The following DOCK4 variants were observed in gnomAD, a reference collection of about 807,000 sequenced individuals.
DOCK4 encodes the protein dedicator of cytokinesis 4.
In DOCK4, 97 loss-of-function variants were observed where a neutral mutation model predicts 268.1. The observed-to-expected ratio is 0.36, with a 90% confidence interval of 0.31 to 0.43. DOCK4 has a LOEUF of 0.43. DOCK4 is among the 20% of genes least tolerant of loss of function. The probability of loss-of-function intolerance (pLI) is 1.00; values close to 1 mark genes in which losing one functional copy is unlikely to be tolerated. For missense variants in DOCK4, 2,145 were observed against 2,455.7 expected (o/e 0.87, Z 2.67); for synonymous variants, 954 against 887.2 (o/e 1.08, Z -1.34).
At chr7:112,165,559 TGC>T (rs369341986) in intron 1 of DOCK4, among the ~76,000 whole-genome samples, 71 of 148,244 alleles carry the variant, frequency 4.8e-4, no homozygotes, top group Non-Finnish European at 7.9e-4. Flanking sequence ...TGTGTGTGTG[TGC>T]GTGTGTGTGT....
chr7:111,804,372 T>C (rs1356501631), intron 30 of DOCK4, among the ~76,000 whole-genome samples: 1 of 152,300 alleles, frequency 6.6e-6, no homozygotes, highest in Middle Eastern at 3.4e-3. Context: ...TTACGTGAGG[T>C]ACCTAGAGTA....
At chr7:111,996,950 C>T (rs1014339523) in intron 4 of DOCK4, among the ~76,000 whole-genome samples, 7 of 152,172 alleles carry the variant, frequency 4.6e-5, no homozygotes, top group Non-Finnish European at 8.8e-5. Flanking sequence ...GCATATGATG[C>T]CCTTTGCACT....
chr7:111,851,886 C>G (rs1804592709), intron 23 of DOCK4, among the ~76,000 whole-genome samples: 1 of 150,276 alleles, frequency 6.7e-6, no homozygotes, highest in Non-Finnish European at 1.5e-5. Context: ...CTGTATGCTA[C>G]TAAAAGTGAT....
intron 1 of DOCK4, among the ~76,000 whole-genome samples, chr7:112,016,048 T>A (rs1801780843): frequency 6.6e-6 from 1 of 152,224 alleles, no homozygotes; most frequent in South Asian, 2.1e-4. Context: ...AACATAAGTT[T>A]TGGAGGGGAC....
intron 1 of DOCK4, among the ~76,000 whole-genome samples, chr7:112,099,028 C>T (rs867586339): frequency 3.9e-5 from 6 of 151,930 alleles, no homozygotes; most frequent in Admixed American, 2.0e-4. Context: ...GGTAGGTCAG[C>T]CCTGTAATCT....
chr7:111,844,698 C>T (rs1192739099), intron 25 of DOCK4, 65 bp downstream of exon 25: 1 of 1,529,742 alleles, frequency 6.5e-7, no homozygotes, highest in Non-Finnish European at 8.8e-7. Flanking sequence ...AACATCAAGC[C>T]ACCTGCAACG....
At chr7:111,774,345 G>A (rs1230171099) in intron 36 of DOCK4, among the ~76,000 whole-genome samples, 1 of 152,092 alleles carries the variant, frequency 6.6e-6, no homozygotes, top group African/African-American at 2.4e-5. Context: ...GCAGGCACCT[G>A]TAATCTCAGC....
In DOCK4 at chr7:111,728,607, C is replaced by A. The variant is rs1445159700; in HGVS notation, c.5595G>T (p.Arg1865=). ...AGCCTGAGGTTTCCGACGTGCTGCA[C>A]CGGCTGAGAGAAGAAATCCCACTGC... ...SYSSGISSLS[R]CSTSETSGFE... The change falls in exon 53 of 53, where the codon CGG becomes CGT. Residue 1865 remains arginine (R), a synonymous_variant. Coordinates refer to ENST00000428084, the MANE Select transcript of DOCK4 (RefSeq NM_001363540.2). 1.2e-6 allele frequency: 2 copies of A among 1,614,016 alleles called. No homozygotes were observed. Among genetic ancestry groups the A allele is most frequent in the Non-Finnish European group, 1.7e-6 (2 of 1,179,900 alleles).
intron 5 of DOCK4, among the ~76,000 whole-genome samples, chr7:111,992,171 C>T (rs1447738861): frequency 6.6e-6 from 1 of 152,034 alleles, no homozygotes; most frequent in Non-Finnish European, 1.5e-5. Context: ...TAAAGAGCAA[C>T]TAGCACTTTT....
chr7:112,018,179 A>AAAAAAAAAAAC, intron 1 of DOCK4, among the ~76,000 whole-genome samples: 3 of 72,630 alleles, frequency 4.1e-5, no homozygotes, highest in South Asian at 4.4e-4. Flanking sequence ...AAAAAAAAAA[A>AAAAAAAAAAAC]ACACAGGCAA....
intron 1 of DOCK4, among the ~76,000 whole-genome samples, chr7:112,176,541 T>C (rs1239783027): frequency 6.6e-6 from 1 of 152,108 alleles, no homozygotes; most frequent in Non-Finnish European, 1.5e-5. Context: ...CACAGAAAAA[T>C]GTATTGGAAA....
intron 12 of DOCK4, among the ~76,000 whole-genome samples, chr7:111,922,652 G>A (rs2134593188): frequency 6.6e-6 from 1 of 152,120 alleles, no homozygotes; most frequent in East Asian, 1.9e-4. Context: ...TGCGATCTTG[G>A]CTCACTGCAA....
At chr7:112,159,841 C>T (rs114294664) in intron 1 of DOCK4, among the ~76,000 whole-genome samples, 8 of 147,860 alleles carry the variant, frequency 5.4e-5, no homozygotes, top group African/African-American at 1.7e-4. Flanking sequence ...TATATATATA[C>T]ATAATATATA....
intron 30 of DOCK4, among the ~76,000 whole-genome samples, chr7:111,795,140 C>G (rs867458063): frequency 6.6e-6 from 1 of 152,116 alleles, no homozygotes; most frequent in Non-Finnish European, 1.5e-5. Context: ...ACTGCCCCAG[C>G]CTCAAGAGTA....
intron 27 of DOCK4, chr7:111,820,594 C>G (rs1458777197): frequency 6.6e-6 from 1 of 152,132 alleles, no homozygotes; most frequent in Admixed American, 6.5e-5. Context: ...GTCTTTAAAA[C>G]TGAAGTAACG....
chr7:111,741,457 T>C (rs1281756242), intron 46 of DOCK4, 83 bp downstream of exon 46: 7 of 1,547,384 alleles, frequency 4.5e-6, no homozygotes, highest in Middle Eastern at 1.7e-4. Flanking sequence ...ATTTGACAAA[T>C]TGTGCCATAA....
intron 30 of DOCK4, among the ~76,000 whole-genome samples, chr7:111,791,099 T>TAAAA (rs1554593963): frequency 7.3e-6 from 1 of 137,468 alleles, no homozygotes; most frequent in Non-Finnish European, 1.5e-5. Flanking sequence ...TATATATATA[T>TAAAA]AAAATAAATC....
At chr7:111,768,002 C>G (rs1216980821) in intron 37 of DOCK4, among the ~76,000 whole-genome samples, 1 of 152,142 alleles carries the variant, frequency 6.6e-6, no homozygotes, top group African/African-American at 2.4e-5. Flanking sequence ...CTCAATTCTG[C>G]TGTTATAGCA....
chr7:112,088,076 G>A (rs1247781294), intron 1 of DOCK4, among the ~76,000 whole-genome samples: 2 of 152,096 alleles, frequency 1.3e-5, no homozygotes, highest in Non-Finnish European at 2.9e-5. Context: ...CAGTGGGATC[G>A]TGGGACAAGG....
Sources: allele counts gnomAD v4.1 joint callset (sites outside exome capture counted in the v4.1 genomes callset), GRCh38; gene constraint gnomAD v4.1.1; transcripts MANE v1.5; gene names NCBI Gene and HGNC (gene_info 2026-07-23, HGNC 2026-07-21).